The following DNAH11 variants were observed in gnomAD, a reference collection of about 807,000 sequenced individuals.
DNAH11 encodes axonemal beta dynein heavy chain 11.
DNAH11 carries 442 observed loss-of-function variants against 526.0 expected under a neutral mutation model. That is an observed-to-expected ratio of 0.84 (90% CI 0.78 to 0.91). The LOEUF is 0.91. DNAH11 is among the 40% of genes least tolerant of loss of function. The pLI is 0.00. For synonymous variants in DNAH11, 2,461 were observed against 1,935.9 expected, an observed-to-expected ratio of 1.27 and a Z score of -7.12; for missense variants, 6,989 against 5,448.7, an observed-to-expected ratio of 1.28 and a Z score of -8.90.
chr7:21,548,019 C>G (rs1305635446), intron 2 of DNAH11, among the ~76,000 whole-genome samples: 3 of 152,220 alleles, frequency 2.0e-5, no homozygotes, highest in Non-Finnish European at 4.4e-5. Context: ...TGTTAAGACT[C>G]CTGCCACAAT....
chr7:21,892,120 T>C lies in DNAH11; in HGVS notation c.12508-305T>C, dbSNP rs138627905. Among the ~76,000 whole-genome samples, 1,944 of 152,272 alleles carry C rather than the reference T, an allele frequency of 0.013. 37 individuals are homozygous for C. The highest frequency in any genetic ancestry group is 0.044 in the African/African-American group (1,824 of 41,540). On this transcript the variant is annotated intron_variant, in intron 76 of 81. Coordinates refer to ENST00000409508, the MANE Select transcript of DNAH11 (RefSeq NM_001277115.2). ...AGAATCAATGAATGGGAGTGTGTTA[T>C]AGGGTAGCCCAGGCTCTGTGATGGC...
At chr7:21,659,787 T>C (rs1257116681) in intron 30 of DNAH11, among the ~76,000 whole-genome samples, 1 of 152,148 alleles carries the variant, frequency 6.6e-6, no homozygotes, top group Non-Finnish European at 1.5e-5. Flanking sequence ...CGACCCCTTT[T>C]CTGCTTTAGC....
rs767109418 is a variant in DNAH11, at chr7:21,866,479, G to A, written c.11506G>A (p.Val3836Ile). The A allele has an allele frequency of 1.1e-4, 171 of 1,610,074 alleles. No individual in the cohort carries two copies. The highest frequency in any genetic ancestry group is 2.3e-4 in the South Asian group (21 of 90,336). The stretch of plus-strand genomic sequence containing the variant: ...CCCTATCATATTACAGGCAATTGCC[G>A]TCATGGAAGAATTTCGAGGCATAGA... Reference protein sequence around the residue: ...QSWSAIKAIAVMEEFRGIDRD... With the variant: ...QSWSAIKAIAIMEEFRGIDRD... The change falls in exon 71 of 82, where the codon GTC becomes ATC. Residue 3836 changes from valine (V) to isoleucine (I), a missense_variant. Val to Ile is a conservative substitution (Grantham distance 29). Coordinates refer to ENST00000409508, the MANE Select transcript of DNAH11 (RefSeq NM_001277115.2).
Position 21,599,911 on chromosome 7 carries a change from T to G in DNAH11, c.2792T>G (p.Leu931Arg), listed in dbSNP as rs1450132388. ...ATAATGCACGACTTAGACTTCTTTC[T>G]GAAGAATACAGAGAAACAATTGAAA... ...QAIMHDLDFF[L>R]KNTEKQLKPA... Residue 931 changes from leucine (L) to arginine (R), a missense_variant, in exon 15 of 82, where the codon CTG becomes CGG. Transcript: ENST00000409508. 1 of 1,613,596 alleles carries G rather than the reference T, an allele frequency of 6.2e-7. No individual in the cohort carries two copies. The highest frequency in any genetic ancestry group is 2.2e-5 in the East Asian group (1 of 44,876).
chr7:21,657,301 T>A (rs1782054798), intron 29 of DNAH11, among the ~76,000 whole-genome samples: 1 of 152,180 alleles, frequency 6.6e-6, no homozygotes, highest in Non-Finnish European at 1.5e-5. Context: ...AGTTCCGAAA[T>A]GGCCCTTGTC....
At chr7:21,854,603 G>A (rs1243894468) in intron 68 of DNAH11, 148 bp downstream of exon 68, 29 of 909,266 alleles carry the variant, frequency 3.2e-5, no homozygotes, top group Non-Finnish European at 4.7e-6. Flanking sequence ...AGGCTGGAGT[G>A]CAGTGGCGTG....
At chr7:21,715,019 G>A (rs1025602178) in intron 42 of DNAH11, among the ~76,000 whole-genome samples, 3 of 152,140 alleles carry the variant, frequency 2.0e-5, no homozygotes, top group African/African-American at 7.2e-5. Context: ...TTCTGTCCCT[G>A]CAATCCCACT....
rs1789810073 is a variant in DNAH11 at position 21,816,701 on chromosome 7, G to A, written c.10567G>A (p.Gly3523Arg). ...GAAAGTCACACATTTGGGCCAGAAA[G>A]GGTATGTGAAGTTTGAAGAGACTGG... ...DLKVTHLGQKGFLNAIETALA... is the reference protein window; with the variant it reads ...DLKVTHLGQKRFLNAIETALA... The change falls in exon 64 of 82, where the codon GGG becomes AGG. Residue 3523 changes from glycine (G) to arginine (R), a missense_variant and splice_region_variant. Transcript: ENST00000409508. 8.1e-6 allele frequency: 13 copies of A among 1,612,748 alleles called. No individual in the cohort carries two copies. The highest frequency in any genetic ancestry group is 1.1e-5 in the Non-Finnish European group (13 of 1,179,374).
intron 69 of DNAH11, among the ~76,000 whole-genome samples, chr7:21,863,028 C>A (rs1783124607): frequency 7.1e-6 from 1 of 140,022 alleles, no homozygotes; most frequent in African/African-American, 2.6e-5. Context: ...CACGCCACTG[C>A]ACTCCAGCCT....
Position 21,702,724 on chromosome 7 carries a change from G to A in DNAH11, c.6195G>A (p.Trp2065Ter), listed in dbSNP as rs780650546. ...ELLSKQDHYD[W>*]GLRAIKSVLV... Reference sequence around the variant, plus strand: ...TTTGATTTTAGGATCATTACGACTGGGGACTTCGTGCTATTAAGTCTGTCT... The same window carrying A: ...TTTGATTTTAGGATCATTACGACTGAGGACTTCGTGCTATTAAGTCTGTCT... Residue 2065 changes from tryptophan (W) to a stop codon, truncating the protein, a stop_gained, in exon 37 of 82, where the codon TGG becomes TGA. Coordinates refer to ENST00000409508, the MANE Select transcript of DNAH11 (RefSeq NM_001277115.2). LOFTEE classifies it high-confidence loss of function. 6.2e-7 allele frequency: 1 copy of A among 1,613,468 alleles called. No homozygotes were observed. Among genetic ancestry groups the A allele is most frequent in the Non-Finnish European group, 8.5e-7 (1 of 1,179,648 alleles).
At chr7:21,627,215 T>C (rs1220010086) in intron 25 of DNAH11, among the ~76,000 whole-genome samples, 1 of 152,222 alleles carries the variant, frequency 6.6e-6, no homozygotes, top group Non-Finnish European at 1.5e-5. Context: ...TCTCCCATTC[T>C]GTAGTTTGGC....
chr7:21,708,351 C>A (rs924426408), intron 40 of DNAH11, among the ~76,000 whole-genome samples: 2 of 152,172 alleles, frequency 1.3e-5, no homozygotes, highest in African/African-American at 2.4e-5. Context: ...AACCTCACAG[C>A]GAATCCTATA....
Position 21,739,559 on chromosome 7 carries a change from T to C in DNAH11, c.7812-12T>C, listed in dbSNP as rs770969843. 27 of 1,606,026 alleles carry C rather than the reference T, an allele frequency of 1.7e-5. No homozygotes were observed. The highest frequency in any genetic ancestry group is 1.2e-4 in the Admixed American group (7 of 58,818). On this transcript the variant is annotated splice_polypyrimidine_tract_variant and intron_variant, in intron 47 of 81. Transcript: ENST00000409508. ...AGTTTTTGGATTTAAGGTTCTGTTT[T>C]CTGTCTTTCAGGTATGATAGACAGA...
chr7:21,827,448 A>G (rs983838399), intron 65 of DNAH11, among the ~76,000 whole-genome samples: 4 of 151,558 alleles, frequency 2.6e-5, no homozygotes, highest in African/African-American at 7.3e-5. Context: ...AAATATTATT[A>G]TAATTTTTGA....
chr7:21,664,076 C>T (rs1449774627), intron 30 of DNAH11, among the ~76,000 whole-genome samples: 1 of 150,226 alleles, frequency 6.7e-6, no homozygotes, highest in Admixed American at 6.6e-5. Context: ...TTAAGCACTT[C>T]AATTTACATA....
chr7:21,826,021 C>T (rs1297861211), intron 65 of DNAH11, among the ~76,000 whole-genome samples: 3 of 150,680 alleles, frequency 2.0e-5, no homozygotes, highest in Admixed American at 1.3e-4. Flanking sequence ...GAAAGGTGGA[C>T]CGTGGGAGGG....
chr7:21,592,242 A>G lies in DNAH11; in HGVS notation c.2667+665A>G, dbSNP rs190434080. ...GTTGTAATAGGAGCAATGATGAAAA[A>G]TAGAGCAGAGCAGGTGGGATAGGGA... is the stretch of plus-strand genomic sequence containing the variant. On this transcript the variant is annotated intron_variant, in intron 14 of 81. Coordinates refer to ENST00000409508, the MANE Select transcript of DNAH11 (RefSeq NM_001277115.2). 7.2e-4 allele frequency among the ~76,000 whole-genome samples: 110 copies of G among 152,348 alleles called. 1 individual carries two copies. The East Asian group carries it at 0.019, about 26-fold the overall frequency.
intron 49 of DNAH11, 69 bp from the exon 50 acceptor site, chr7:21,744,369 A>T: frequency 6.7e-7 from 1 of 1,494,100 alleles, no homozygotes; most frequent in Non-Finnish European, 9.2e-7. Context: ...TAGTTTAAAA[A>T]GTGTTAAACT....
chr7:21,849,298 G>A (rs557208340), intron 66 of DNAH11, among the ~76,000 whole-genome samples: 29 of 152,050 alleles, frequency 1.9e-4, no homozygotes, highest in African/African-American at 5.1e-4. Flanking sequence ...CATTCATTTC[G>A]TTTATCCATA....
Sources: allele counts gnomAD v4.1 joint callset (sites outside exome capture counted in the v4.1 genomes callset), GRCh38; gene constraint gnomAD v4.1.1; transcripts MANE v1.5; gene names NCBI Gene and HGNC (gene_info 2026-07-23, HGNC 2026-07-21).